The following RBMS3 variants were observed in gnomAD, a reference collection of about 807,000 sequenced individuals.
The protein encoded by RBMS3 is RNA-binding motif, single-stranded-interacting protein 3.
A neutral mutation model predicts 66.8 loss-of-function variants in RBMS3; 27 were observed. The observed-to-expected ratio is 0.40, with a 90% CI of 0.30 to 0.56. The LOEUF is 0.56. Ranked by LOEUF, RBMS3 falls within the 20% of genes least tolerant of loss-of-function variation. The pLI is 0.40. For synonymous variants in RBMS3, 188 were observed against 183.0 expected (o/e 1.03, Z -0.22); for missense variants, 513 against 549.5 (o/e 0.93, Z 0.66).
chr3:29,966,737 G>A (rs1331129114), intron 12 of RBMS3, among the ~76,000 whole-genome samples: 1 of 152,146 alleles, frequency 6.6e-6, no homozygotes, highest in Non-Finnish European at 1.5e-5. Context: ...TGTTAAAGAG[G>A]AGTGGTGACA....
intron 1 of RBMS3, among the ~76,000 whole-genome samples, chr3:29,306,546 A>G (rs1483691587): frequency 6.6e-6 from 1 of 152,012 alleles, no homozygotes; most frequent in African/African-American, 2.4e-5. Context: ...AATGTTGGAC[A>G]ATAATAAGAT....
chr3:29,383,754 G>T (rs1396431498), intron 1 of RBMS3, among the ~76,000 whole-genome samples: 1 of 152,144 alleles, frequency 6.6e-6, no homozygotes, highest in Non-Finnish European at 1.5e-5. Context: ...TGACTATCCA[G>T]GTTCAAATTT....
chr3:29,944,212 A>T lies in RBMS3; in HGVS notation c.1056A>T (p.Gln352His). ...HLSLGTTGTIQSQDRIMILHQ... is the reference protein window; with the variant it reads ...HLSLGTTGTIHSQDRIMILHQ... ...CATGCTCTTTTCATTCAAAGATTCA[A>T]TCCCAAGACAGGATTATGATACTCC... is the stretch of plus-strand genomic sequence containing the variant. The change falls in exon 12 of 15, where the codon CAA becomes CAT. Residue 352 changes from glutamine (Q) to histidine (H), a missense_variant. Physicochemically the swap from Gln to His is conservative, Grantham distance 24 (BLOSUM62 0). Coordinates refer to ENST00000383767, the MANE Select transcript of RBMS3 (RefSeq NM_001003793.3). 6.3e-7 allele frequency: 1 copy of T among 1,588,336 alleles called. No homozygotes were observed. Among genetic ancestry groups the T allele is most frequent in the Non-Finnish European group, 8.6e-7 (1 of 1,157,452 alleles).
intron 6 of RBMS3, among the ~76,000 whole-genome samples, chr3:29,781,161 T>A (rs934363640): frequency 2.1e-4 from 30 of 145,322 alleles, no homozygotes; most frequent in African/African-American, 6.5e-4. Context: ...TTCCCCATTG[T>A]GTTCTTATAA....
intron 1 of RBMS3, among the ~76,000 whole-genome samples, chr3:29,370,865 A>G (rs2038163686): frequency 6.6e-6 from 1 of 152,190 alleles, no homozygotes. Context: ...CTGTTTACTG[A>G]TGTCTGTTTG....
chr3:29,968,497 C>T (rs567490943), intron 12 of RBMS3, among the ~76,000 whole-genome samples: 1 of 152,306 alleles, frequency 6.6e-6, no homozygotes, highest in South Asian at 2.1e-4. Context: ...GCTTGAGGAC[C>T]CGGTGAGCTC....
At chr3:29,797,366 C>A (rs954711690) in intron 6 of RBMS3, among the ~76,000 whole-genome samples, 3 of 152,162 alleles carry the variant, frequency 2.0e-5, no homozygotes, top group Non-Finnish European at 4.4e-5. Context: ...CCTCTCGTAG[C>A]CTTCATAGAG....
intron 3 of RBMS3, among the ~76,000 whole-genome samples, chr3:29,557,039 C>A (rs1485055750): frequency 6.6e-6 from 1 of 152,150 alleles, no homozygotes; most frequent in African/African-American, 2.4e-5. Context: ...TCTCTGTCTG[C>A]TTCTTTCTGT....
At chr3:29,474,221 T>C (rs2042868676) in intron 2 of RBMS3, among the ~76,000 whole-genome samples, 1 of 152,250 alleles carries the variant, frequency 6.6e-6, no homozygotes, top group Admixed American at 6.5e-5. Flanking sequence ...TTGCTCCGCA[T>C]TGTTTGAGGA....
chr3:29,866,183 T>A (rs1185782037), intron 6 of RBMS3, among the ~76,000 whole-genome samples: 1 of 151,826 alleles, frequency 6.6e-6, no homozygotes, highest in Non-Finnish European at 1.5e-5. Flanking sequence ...GGGTGATGGA[T>A]ATGTTCATTA....
rs527484344 is a variant in RBMS3, at chr3:29,886,706, A to AT, written c.791+2509dup. Among the ~76,000 whole-genome samples, 295 of 147,300 alleles carry AT rather than the reference A, an allele frequency of 2.0e-3. 1 individual carries two copies. Among genetic ancestry groups the AT allele is most frequent in the African/African-American group, 5.8e-3 (233 of 40,440 alleles). The stretch of plus-strand genomic sequence containing the variant: ...TTCATAAGCCTGGGGAGTAATTATT[A>AT]TTTTTTTTTTTAGCAACAGAGTGGT... On this transcript the variant is annotated intron_variant, in intron 8 of 14. Coordinates refer to ENST00000383767, the MANE Select transcript of RBMS3 (RefSeq NM_001003793.3).
At chr3:29,842,114 T>G (rs563389363) in intron 6 of RBMS3, among the ~76,000 whole-genome samples, 2 of 152,266 alleles carry the variant, frequency 1.3e-5, no homozygotes, top group Admixed American at 1.3e-4. Context: ...ATTTTACATC[T>G]TTGCCCAGTA....
intron 4 of RBMS3, among the ~76,000 whole-genome samples, chr3:29,664,983 G>T (rs2050697126): frequency 6.6e-6 from 1 of 152,044 alleles, no homozygotes; most frequent in Non-Finnish European, 1.5e-5. Flanking sequence ...AATATTTAAA[G>T]CCCAATAGGA....
intron 12 of RBMS3, among the ~76,000 whole-genome samples, chr3:29,955,171 AGAG>A (rs1021985830): frequency 6.6e-6 from 1 of 151,940 alleles, no homozygotes; most frequent in Non-Finnish European, 1.5e-5. Context: ...CCTCTGCTTG[AGAG>A]GAGACCTAAA....
intron 4 of RBMS3, among the ~76,000 whole-genome samples, chr3:29,720,130 A>G (rs372572761): frequency 6.6e-6 from 1 of 152,188 alleles, no homozygotes; most frequent in East Asian, 1.9e-4. Context: ...TTGCACCCAC[A>G]TTGGCCCTTT....
At chr3:29,837,043 GC>G (rs1168959944) in intron 6 of RBMS3, among the ~76,000 whole-genome samples, 4 of 151,964 alleles carry the variant, frequency 2.6e-5, no homozygotes, top group Non-Finnish European at 1.5e-5. Flanking sequence ...TTTAGTCTTT[GC>G]CATAATGCCT....
rs141022375 is a variant in RBMS3, at chr3:29,539,462, G to A, written c.308-47652G>A. Among the ~76,000 whole-genome samples the A allele has an allele frequency of 1.1e-3, 175 of 152,284 alleles. 1 individual carries two copies. The highest frequency in any genetic ancestry group is 3.9e-3 in the African/African-American group (162 of 41,572). On this transcript the variant is annotated intron_variant, in intron 3 of 14. Transcript: ENST00000383767. The stretch of plus-strand genomic sequence containing the variant: ...CATTTGGTTATTTGGAGGTCAGTCT[G>A]TTCCATTTACCAGCCCTTGAAGCCC...
At position 29,458,417 on chromosome 3, in the gene RBMS3, G is replaced by A. The variant is rs149938235; in HGVS notation, c.248+23502G>A. Among the ~76,000 whole-genome samples the A allele has an allele frequency of 3.8e-3, 575 of 152,198 alleles. 3 individuals carry two copies. The highest frequency in any genetic ancestry group is 0.013 in the African/African-American group (551 of 41,528). ...ATCTCTGGGTATCCAGAGGGAATTGGTTCTAAGATCACCCCCTTGGATAAC... is the reference window on the plus strand; with the variant it reads ...ATCTCTGGGTATCCAGAGGGAATTGATTCTAAGATCACCCCCTTGGATAAC... On this transcript the variant is annotated intron_variant, in intron 2 of 14. Coordinates refer to ENST00000383767, the MANE Select transcript of RBMS3 (RefSeq NM_001003793.3).
At chr3:29,672,985 C>T (rs372423499) in intron 4 of RBMS3, among the ~76,000 whole-genome samples, 1 of 151,788 alleles carries the variant, frequency 6.6e-6, no homozygotes. Context: ...ACATTCTTCT[C>T]AGCACCACAT....
Sources: gnomAD v4.1 joint callset for allele counts (sites outside exome capture counted in the v4.1 genomes callset) on GRCh38, gnomAD v4.1.1 for gene constraint, MANE v1.5 for transcripts, NCBI Gene and HGNC (gene_info 2026-07-23, HGNC 2026-07-21) for gene names.